SH3RF2: variants seen among roughly 807,000 people sequenced by gnomAD.
The protein encoded by SH3RF2 is SH3 domain containing ring finger 2, also known as E3 ubiquitin-protein ligase SH3RF2.
SH3RF2 carries 43 observed loss-of-function variants against 59.0 expected under a neutral mutation model. That is an observed-to-expected ratio of 0.73 (90% CI 0.57 to 0.94). The LOEUF is 0.94. Among genes scored for constraint, SH3RF2 ranks in the 40% least tolerant of loss-of-function variants. The pLI is 0.00. For synonymous variants in SH3RF2, 391 were observed against 391.5 expected, an observed-to-expected ratio of 1.00 and a Z score of 0.01; for missense variants, 930 against 940.1, an observed-to-expected ratio of 0.99 and a Z score of 0.14.
chr5:145,998,022 C>A, intron 2 of SH3RF2: 1 of 658,882 alleles, frequency 1.5e-6, no homozygotes, highest in Non-Finnish European at 2.8e-6. Context: ...AAGCAGACTG[C>A]ATAGAGAGAC....
chr5:145,950,643 A>G lies in SH3RF2; in HGVS notation c.378+12337A>G, dbSNP rs571902909. ...ACAATAGAAATAAAAACCGGAGAAG[A>G]AGGAGGAGAAAAGGGAGGGAAGCCA... is the stretch of plus-strand genomic sequence containing the variant. On this transcript the variant is annotated intron_variant, in intron 2 of 9. Coordinates refer to ENST00000359120, the MANE Select transcript of SH3RF2 (RefSeq NM_152550.4). Among the ~76,000 whole-genome samples the G allele has an allele frequency of 6.6e-5, 10 of 152,218 alleles. No individual in the cohort carries two copies. In the East Asian group the frequency reaches 1.9e-3, roughly 29 times the overall value.
At chr5:146,003,827 A>G (rs957824137) in intron 3 of SH3RF2, among the ~76,000 whole-genome samples, 37 of 152,164 alleles carry the variant, frequency 2.4e-4, no homozygotes, top group African/African-American at 6.5e-4. Context: ...AAGTTTTCCT[A>G]TTGGATTCCA....
At chr5:146,030,748 A>G (rs1322909215) in intron 5 of SH3RF2, among the ~76,000 whole-genome samples, 1 of 132,986 alleles carries the variant, frequency 7.5e-6, no homozygotes, top group Non-Finnish European at 1.6e-5. Context: ...TGTGATTTTG[A>G]ATTTATTGGG....
chr5:145,939,738 C>T (rs1362617989), intron 2 of SH3RF2, among the ~76,000 whole-genome samples: 1 of 152,146 alleles, frequency 6.6e-6, no homozygotes, highest in African/African-American at 2.4e-5. Context: ...TGTTCTCAAA[C>T]ATGCCTTGTT....
chr5:146,074,738 G>T (rs1213113397), intron 9 of SH3RF2, among the ~76,000 whole-genome samples: 2 of 152,046 alleles, frequency 1.3e-5, no homozygotes, highest in African/African-American at 4.8e-5. Context: ...ATTACTAGTT[G>T]TGAGTCTCTT....
At chr5:146,056,460 A>G (rs1762675052) in intron 8 of SH3RF2, among the ~76,000 whole-genome samples, 1 of 152,234 alleles carries the variant, frequency 6.6e-6, no homozygotes, top group South Asian at 2.1e-4. Flanking sequence ...GAGTGCCAAC[A>G]TGTAATTAGA....
At chr5:146,049,005 TTCCCCCACTC>T in intron 6 of SH3RF2, 60 bp from the exon 7 acceptor site, 1 of 1,541,406 alleles carries the variant, frequency 6.5e-7, no homozygotes, top group Non-Finnish European at 8.9e-7. Flanking sequence ...CTCTCCACCA[TTCCCCCACTC>T]CATGCCCCCC....
chr5:146,081,410 G>A (rs1422502515), exon 10 of SH3RF2: 1 of 152,002 alleles, frequency 6.6e-6, no homozygotes, highest in African/African-American at 2.4e-5. Context: ...TGTTAATTCT[G>A]TTTTATGTTC....
intron 2 of SH3RF2, among the ~76,000 whole-genome samples, chr5:145,981,047 C>A (rs571890751): frequency 2.0e-5 from 3 of 152,134 alleles, no homozygotes; most frequent in Non-Finnish European, 4.4e-5. Context: ...CTAAACATTT[C>A]TTGATGTCAT....
intron 2 of SH3RF2, among the ~76,000 whole-genome samples, chr5:145,980,363 T>C: frequency 6.6e-6 from 1 of 152,332 alleles, no homozygotes; most frequent in South Asian, 2.1e-4. Flanking sequence ...CATATTTTTT[T>C]GCAAATTGCT....
intron 9 of SH3RF2, among the ~76,000 whole-genome samples, chr5:146,069,749 T>C (rs1191276295): frequency 2.0e-5 from 3 of 152,048 alleles, no homozygotes; most frequent in Non-Finnish European, 4.4e-5. Flanking sequence ...AATTTTTGTA[T>C]TTTTTGTAGA....
intron 5 of SH3RF2, among the ~76,000 whole-genome samples, chr5:146,029,571 C>T (rs376836693): frequency 3.3e-4 from 50 of 152,280 alleles, no homozygotes; most frequent in African/African-American, 1.1e-3. Flanking sequence ...GCTCGGGGTA[C>T]ATCTGGATTT....
intron 2 of SH3RF2, among the ~76,000 whole-genome samples, chr5:145,948,519 C>G (rs1030373675): frequency 6.6e-6 from 1 of 152,188 alleles, no homozygotes. Flanking sequence ...TCACTGTCAC[C>G]CTTTCCTGAA....
chr5:145,975,788 G>T (rs539552420), intron 2 of SH3RF2, among the ~76,000 whole-genome samples: 1 of 152,238 alleles, frequency 6.6e-6, no homozygotes, highest in Non-Finnish European at 1.5e-5. Context: ...GCAGTGCCTA[G>T]CTGTGGAGCT....
intron 2 of SH3RF2, among the ~76,000 whole-genome samples, chr5:145,980,358 T>C (rs1008309576): frequency 3.3e-5 from 5 of 152,144 alleles, no homozygotes; most frequent in African/African-American, 4.8e-5. Context: ...GTGTACATAT[T>C]TTTTTGCAAA....
chr5:145,937,225 T>C (rs1420349055), intron 1 of SH3RF2: 2 of 152,018 alleles, frequency 1.3e-5, no homozygotes, highest in Non-Finnish European at 2.9e-5. Flanking sequence ...CACCCTGACC[T>C]GTGGTTAAGG....
chr5:146,022,874 A>AACAC lies in SH3RF2; in HGVS notation c.1059+8859_1059+8862dup, dbSNP rs57377156. Among the ~76,000 whole-genome samples the AACAC allele has an allele frequency of 4.0e-3, 562 of 142,016 alleles. 8 individuals are homozygous for AACAC. Among genetic ancestry groups the AACAC allele is most frequent in the African/African-American group, 0.014 (533 of 36,904 alleles). 93.2% of individuals were successfully genotyped at this position (142,016 alleles called of 152,430 possible). A position where few individuals can be genotyped will look rare whatever the true frequency, so the allele number is the denominator to read the frequency against. ...GTGACACAGAGCAAGGCTCCATCTA[A>AACAC]ACACACACACACACACACACACACA... On this transcript the variant is annotated intron_variant, in intron 5 of 9. Coordinates refer to ENST00000359120, the MANE Select transcript of SH3RF2 (RefSeq NM_152550.4).
At chr5:146,064,864 G>GAAAGGA (rs59357428), downstream of SH3RF2, among the ~76,000 whole-genome samples, 1 of 69,092 alleles carries the variant, frequency 1.4e-5, no homozygotes, top group Non-Finnish European at 3.0e-5. Context: ...AAGAAAGAAA[G>GAAAGGA]AGAAAGAAAA....
intron 2 of SH3RF2, among the ~76,000 whole-genome samples, chr5:145,983,300 G>A (rs548535002): frequency 1.1e-4 from 16 of 150,108 alleles, no homozygotes; most frequent in African/African-American, 3.4e-4. Flanking sequence ...GAGTGAGGGC[G>A]AAAACCAGCA....
Sources: gnomAD v4.1 joint callset for allele counts (sites outside exome capture counted in the v4.1 genomes callset) on GRCh38, gnomAD v4.1.1 for gene constraint, MANE v1.5 for transcripts, NCBI Gene and HGNC (gene_info 2026-07-23, HGNC 2026-07-21) for gene names.